BBS9: variants seen among roughly 807,000 people sequenced by gnomAD.
BBS9 encodes the protein protein PTHB1.
BBS9 carries 89 observed loss-of-function variants against 117.7 expected under a neutral mutation model. The ratio of observed to expected loss-of-function variants is 0.76; its 90% CI spans 0.64 to 0.90. BBS9 has a LOEUF of 0.90. Among genes scored for constraint, BBS9 ranks in the 40% least tolerant of loss-of-function variants. BBS9 has a pLI of 0.00. For missense variants in BBS9, 982 were observed against 1,042.2 expected (o/e 0.94, Z 0.80); for synonymous variants, 379 against 370.9 (o/e 1.02, Z -0.25).
intron 19 of BBS9, among the ~76,000 whole-genome samples, chr7:33,485,226 A>G (rs949129908): frequency 2.0e-5 from 3 of 152,102 alleles, no homozygotes; most frequent in African/African-American, 4.8e-5. Flanking sequence ...TATCTGTGCA[A>G]CAAACCACCA....
At chr7:33,423,085 C>T (rs1833103879) in intron 19 of BBS9, among the ~76,000 whole-genome samples, 1 of 152,150 alleles carries the variant, frequency 6.6e-6, no homozygotes, top group Non-Finnish European at 1.5e-5. Context: ...GATCGGAACA[C>T]TTTGCTGATT....
At chr7:33,609,700 C>T (rs965691607), downstream of BBS9, among the ~76,000 whole-genome samples, 1 of 152,094 alleles carries the variant, frequency 6.6e-6, no homozygotes, top group Non-Finnish European at 1.5e-5. Flanking sequence ...ATCTCCAACA[C>T]ATTTATGCTT....
intron 7 of BBS9, among the ~76,000 whole-genome samples, chr7:33,265,328 AT>A (rs540335019): frequency 1.3e-5 from 2 of 152,014 alleles, no homozygotes; most frequent in African/African-American, 2.4e-5. Context: ...ATGAAGATAT[AT>A]TTTTTTTCAT....
At chr7:33,327,511 C>A (rs73099270) in intron 9 of BBS9, among the ~76,000 whole-genome samples, 381 of 152,136 alleles carry the variant, frequency 2.5e-3, no homozygotes, top group Non-Finnish European at 4.3e-3. Flanking sequence ...ACCAGACCTG[C>A]AACATAGCAA....
chr7:33,293,784 TTAA>T, intron 9 of BBS9, among the ~76,000 whole-genome samples: 2 of 152,326 alleles, frequency 1.3e-5, no homozygotes, highest in East Asian at 3.9e-4. Flanking sequence ...ACTACAATTA[TTAA>T]TGAGTAATAT....
At chr7:33,567,596 C>T (rs1441716253) in intron 21 of BBS9, among the ~76,000 whole-genome samples, 1 of 152,064 alleles carries the variant, frequency 6.6e-6, no homozygotes, top group African/African-American at 2.4e-5. Flanking sequence ...TGGCTCTTCT[C>T]ATTTACTGGG....
intron 20 of BBS9, among the ~76,000 whole-genome samples, chr7:33,514,376 T>A (rs1355570995): frequency 6.6e-6 from 1 of 152,160 alleles, no homozygotes; most frequent in Non-Finnish European, 1.5e-5. Flanking sequence ...AGAAAGTTAA[T>A]GAATATGGTT....
intron 19 of BBS9, among the ~76,000 whole-genome samples, chr7:33,412,307 G>A (rs930986121): frequency 6.6e-6 from 1 of 152,110 alleles, no homozygotes; most frequent in Non-Finnish European, 1.5e-5. Flanking sequence ...CAGACCTAAC[G>A]TTCACTCCTG....
intron 5 of BBS9, among the ~76,000 whole-genome samples, chr7:33,189,730 AC>A (rs1197777696): frequency 2.0e-5 from 3 of 151,958 alleles, no homozygotes; most frequent in Non-Finnish European, 4.4e-5. Flanking sequence ...TACTAAAAAT[AC>A]AAAAATTAGC....
At chr7:33,255,034 G>A (rs960796506) in intron 5 of BBS9, among the ~76,000 whole-genome samples, 5 of 152,006 alleles carry the variant, frequency 3.3e-5, no homozygotes, top group African/African-American at 1.2e-4. Context: ...AGTTGTGTGA[G>A]CTTCTTATAT....
chr7:33,402,925 A>G (rs1416654998), intron 19 of BBS9, among the ~76,000 whole-genome samples: 1 of 151,950 alleles, frequency 6.6e-6, no homozygotes, highest in Non-Finnish European at 1.5e-5. Flanking sequence ...TTTAGTTCCT[A>G]CTTATAAGTG....
intron 19 of BBS9, among the ~76,000 whole-genome samples, chr7:33,424,507 A>G (rs1584775812): frequency 6.6e-6 from 1 of 152,164 alleles, no homozygotes; most frequent in East Asian, 1.9e-4. Context: ...GGTCCAGGAA[A>G]ATGCCTGGCA....
Position 33,546,911 on chromosome 7 carries a change from T to C in BBS9, c.2521+12735T>C, listed in dbSNP as rs565162783. Among the ~76,000 whole-genome samples, 3 of 152,336 alleles carry C rather than the reference T, an allele frequency of 2.0e-5. No individual in the cohort carries two copies. In the East Asian group the frequency reaches 5.8e-4, roughly 29 times the overall value. Reference sequence around the variant, plus strand: ...ATTGATTCCATGCCTCACCCTCAGGTAGAAGATGTTGGATTGTATTCTATT... The same window carrying C: ...ATTGATTCCATGCCTCACCCTCAGGCAGAAGATGTTGGATTGTATTCTATT... On this transcript the variant is annotated intron_variant, in intron 21 of 22. Coordinates refer to ENST00000242067, the MANE Select transcript of BBS9 (RefSeq NM_198428.3).
In BBS9 at chr7:33,381,158, A is replaced by G. The variant is rs181227294; in HGVS notation, c.1790-2508A>G. 1.1e-4 allele frequency among the ~76,000 whole-genome samples: 17 copies of G among 152,314 alleles called. No individual in the cohort carries two copies. The East Asian group carries it at 3.1e-3, about 28-fold the overall frequency. Reference sequence around the variant, plus strand: ...TCTTATCATGTATTGTGCCCTTTGCATCTCTCTAGCTGTTGTCTAATTCTT... The same window carrying G: ...TCTTATCATGTATTGTGCCCTTTGCGTCTCTCTAGCTGTTGTCTAATTCTT... On this transcript the variant is annotated intron_variant, in intron 17 of 22. Transcript: ENST00000242067.
intron 5 of BBS9, among the ~76,000 whole-genome samples, chr7:33,236,739 A>G (rs1453623166): frequency 6.6e-6 from 1 of 152,102 alleles, no homozygotes; most frequent in African/African-American, 2.4e-5. Flanking sequence ...GCTAATTAAC[A>G]TATCCTTCAC....
chr7:33,423,640 G>A (rs1466119022), intron 19 of BBS9, among the ~76,000 whole-genome samples: 1 of 151,994 alleles, frequency 6.6e-6, no homozygotes, highest in Non-Finnish European at 1.5e-5. Context: ...AGGTGCCCCA[G>A]GAAATAAATT....
chr7:33,497,433 G>A (rs1844884431), intron 19 of BBS9, among the ~76,000 whole-genome samples: 2 of 151,922 alleles, frequency 1.3e-5, no homozygotes, highest in African/African-American at 4.8e-5. Flanking sequence ...GGCATGTTGG[G>A]GTCTTATCAG....
chr7:33,329,659 G>T (rs1813584703), intron 9 of BBS9, among the ~76,000 whole-genome samples: 1 of 151,934 alleles, frequency 6.6e-6, no homozygotes, highest in Non-Finnish European at 1.5e-5. Flanking sequence ...AAAGACAATA[G>T]TATTTTTATG....
chr7:33,285,340 G>T (rs751691321), intron 9 of BBS9, among the ~76,000 whole-genome samples: 11 of 152,068 alleles, frequency 7.2e-5, no homozygotes, highest in Admixed American at 5.2e-4. Context: ...TTGGTTTAGG[G>T]CCTAATGAAT....
Sources: gnomAD v4.1 joint callset for allele counts (sites outside exome capture counted in the v4.1 genomes callset) on GRCh38, gnomAD v4.1.1 for gene constraint, MANE v1.5 for transcripts, NCBI Gene and HGNC (gene_info 2026-07-23, HGNC 2026-07-21) for gene names.